The following ERBB4 variants were observed in gnomAD, a reference collection of about 807,000 sequenced individuals.
The protein encoded by ERBB4 is receptor tyrosine-protein kinase erbB-4.
Under a neutral mutation model 158.0 loss-of-function variants are expected in ERBB4, and 42 were observed. The ratio of observed to expected loss-of-function variants is 0.27; its 90% CI spans 0.21 to 0.34. The LOEUF is 0.34. Ranked by LOEUF, ERBB4 falls within the 10% of genes least tolerant of loss-of-function variation. The pLI, the probability that ERBB4 is intolerant of heterozygous loss-of-function variation, is 1.00. For missense variants in ERBB4, 1,333 were observed against 1,624.1 expected (o/e 0.82, Z 3.08); for synonymous variants, 583 against 558.7 (o/e 1.04, Z -0.61).
intron 11 of ERBB4, among the ~76,000 whole-genome samples, chr2:211,703,118 G>GT (rs2073312106): frequency 6.6e-6 from 1 of 151,170 alleles, no homozygotes; most frequent in African/African-American, 2.4e-5. Flanking sequence ...TGGTTGTCAG[G>GT]GTGTGTGTGT....
chr2:211,932,644 C>A (rs2080209228), intron 3 of ERBB4, among the ~76,000 whole-genome samples: 1 of 151,756 alleles, frequency 6.6e-6, no homozygotes, highest in Non-Finnish European at 1.5e-5. Flanking sequence ...CTTAAAAGTT[C>A]CCATTTCTGT....
chr2:212,124,244 G>C (rs1332976166), intron 2 of ERBB4, among the ~76,000 whole-genome samples: 1 of 152,120 alleles, frequency 6.6e-6, no homozygotes, highest in Non-Finnish European at 1.5e-5. Context: ...GTAAATACTT[G>C]TGATTTCCTA....
At chr2:212,193,928 T>C (rs56378601) in intron 1 of ERBB4, among the ~76,000 whole-genome samples, 3,473 of 152,148 alleles carry the variant, frequency 0.023, 126 homozygotes, top group African/African-American at 0.08. Context: ...GGTTATTTTT[T>C]CCTTGTAATT....
At chr2:211,449,444 C>T (rs2064189501) in intron 20 of ERBB4, among the ~76,000 whole-genome samples, 1 of 152,090 alleles carries the variant, frequency 6.6e-6, no homozygotes, top group Non-Finnish European at 1.5e-5. Flanking sequence ...ATAATATAAC[C>T]ATAAATTGAG....
At chr2:212,411,085 T>C (rs977579026) in intron 1 of ERBB4, among the ~76,000 whole-genome samples, 8 of 152,138 alleles carry the variant, frequency 5.3e-5, no homozygotes, top group South Asian at 4.1e-4. Flanking sequence ...TATTTCATTG[T>C]AGTAAAATAA....
intron 3 of ERBB4, among the ~76,000 whole-genome samples, chr2:211,867,310 C>T (rs2078234860): frequency 2.0e-5 from 3 of 152,154 alleles, no homozygotes; most frequent in Admixed American, 2.0e-4. Flanking sequence ...CTGAAACTCA[C>T]ATTCTCTCCG....
intron 1 of ERBB4, among the ~76,000 whole-genome samples, chr2:212,439,816 A>G (rs575811857): frequency 2.2e-4 from 33 of 152,272 alleles, no homozygotes; most frequent in African/African-American, 7.9e-4. Context: ...CGAATAAAAA[A>G]ATATAAGAAG....
chr2:212,503,110 C>G (rs754425941), intron 1 of ERBB4, among the ~76,000 whole-genome samples: 5 of 152,158 alleles, frequency 3.3e-5, no homozygotes, highest in South Asian at 2.1e-4. Flanking sequence ...GAATCTGGTG[C>G]AAATGGTCCT....
intron 18 of ERBB4, among the ~76,000 whole-genome samples, chr2:211,622,121 A>G (rs781448591): frequency 8.5e-5 from 13 of 152,340 alleles, no homozygotes; most frequent in Non-Finnish European, 1.8e-4. Context: ...AGGACTCTAC[A>G]TTTATTATCC....
At chr2:212,196,824 G>A (rs185969665) in intron 1 of ERBB4, among the ~76,000 whole-genome samples, 3 of 152,226 alleles carry the variant, frequency 2.0e-5, no homozygotes, top group East Asian at 3.9e-4. Flanking sequence ...TAAGTATGAA[G>A]TATTTTGTTA....
intron 1 of ERBB4, among the ~76,000 whole-genome samples, chr2:212,172,912 A>G (rs1054835198): frequency 1.3e-5 from 2 of 152,138 alleles, no homozygotes; most frequent in Admixed American, 6.6e-5. Context: ...ACAAACTTCT[A>G]TATCCTGCAC....
At chr2:211,667,868 T>C (rs1270875682) in intron 14 of ERBB4, among the ~76,000 whole-genome samples, 3 of 151,910 alleles carry the variant, frequency 2.0e-5, no homozygotes, top group Non-Finnish European at 4.4e-5. Context: ...TGTAATAAGA[T>C]AAATAACTTT....
At chr2:211,529,510 A>ATGCCTCTT (rs1429141916) in intron 20 of ERBB4, among the ~76,000 whole-genome samples, 1 of 152,146 alleles carries the variant, frequency 6.6e-6, no homozygotes, top group African/African-American at 2.4e-5. Flanking sequence ...TGAGGCTAGT[A>ATGCCTCTT]TTACACTGAT....
chr2:211,676,712 G>A (rs2072088771), intron 13 of ERBB4, among the ~76,000 whole-genome samples: 2 of 152,060 alleles, frequency 1.3e-5, no homozygotes. Context: ...TACACAAAAT[G>A]ATTTCTATAA....
chr2:211,729,061 G>A (rs2074356603), intron 5 of ERBB4, among the ~76,000 whole-genome samples: 1 of 151,778 alleles, frequency 6.6e-6, no homozygotes, highest in African/African-American at 2.4e-5. Context: ...TTATTATACT[G>A]TGGAACTATT....
At chr2:212,125,098 C>A (rs1037095067) in intron 1 of ERBB4, 195 bp from the exon 2 acceptor site, 1 of 610,588 alleles carries the variant, frequency 1.6e-6, no homozygotes, top group Non-Finnish European at 2.9e-6. Context: ...ATTACATGTG[C>A]TAATCACAGA....
At chr2:211,761,854 T>C (rs1045342613) in intron 4 of ERBB4, among the ~76,000 whole-genome samples, 2 of 152,242 alleles carry the variant, frequency 1.3e-5, no homozygotes, top group African/African-American at 4.8e-5. Context: ...TACAAGCTTT[T>C]ACTAAGTGCT....
chr2:211,687,493 A>AGTTTGTTT (rs71054130), intron 12 of ERBB4, among the ~76,000 whole-genome samples: 60,269 of 151,222 alleles, frequency 0.4, 13,478 homozygotes, highest in East Asian at 0.9. Flanking sequence ...GCTTGACTGA[A>AGTTTGTTT]GTTTGTTTGT....
chr2:211,519,666 C>CA (rs2066136785), intron 20 of ERBB4, among the ~76,000 whole-genome samples: 1 of 149,336 alleles, frequency 6.7e-6, no homozygotes, highest in African/African-American at 2.5e-5. Context: ...TAAAATAGGG[C>CA]AAAAAAGAAA....
Sources: gnomAD v4.1 joint callset for allele counts (sites outside exome capture counted in the v4.1 genomes callset) on GRCh38, gnomAD v4.1.1 for gene constraint, MANE v1.5 for transcripts, NCBI Gene and HGNC (gene_info 2026-07-23, HGNC 2026-07-21) for gene names.